The following RGS7 variants were observed in gnomAD, a reference collection of about 807,000 sequenced individuals.
RGS7 encodes the protein regulator of G protein signaling 7, also known as regulator of G-protein signaling 7.
In RGS7, 27 loss-of-function variants were observed where a neutral mutation model predicts 81.1. The observed-to-expected ratio is 0.33, with a 90% CI of 0.25 to 0.46. The LOEUF is 0.46. Ranked by LOEUF, RGS7 falls within the 20% of genes least tolerant of loss-of-function variation. The pLI is 1.00. For synonymous variants in RGS7, 208 were observed against 207.7 expected, an observed-to-expected ratio of 1.00 and a Z score of -0.01; for missense variants, 396 against 607.4, an observed-to-expected ratio of 0.65 and a Z score of 3.66.
At chr1:241,321,878 A>T (rs2081234270) in intron 2 of RGS7, among the ~76,000 whole-genome samples, 1 of 152,182 alleles carries the variant, frequency 6.6e-6, no homozygotes, top group South Asian at 2.1e-4. Flanking sequence ...CCGTTCTAGA[A>T]TTCAAGCTCC....
chr1:241,016,684 T>C (rs921716590), intron 3 of RGS7, among the ~76,000 whole-genome samples: 4 of 152,210 alleles, frequency 2.6e-5, no homozygotes, highest in African/African-American at 4.8e-5. Flanking sequence ...ATGTCTCTAC[T>C]GTAATACTTC....
chr1:241,135,126 C>T (rs1341619295), intron 2 of RGS7, among the ~76,000 whole-genome samples: 1 of 152,140 alleles, frequency 6.6e-6, no homozygotes, highest in Admixed American at 6.5e-5. Flanking sequence ...CCCAGGCGCT[C>T]ATTAAAACAG....
chr1:241,091,520 C>A (rs1192427679), intron 3 of RGS7, among the ~76,000 whole-genome samples: 2 of 150,450 alleles, frequency 1.3e-5, no homozygotes, highest in Non-Finnish European at 2.9e-5. Context: ...TGCACTCCAG[C>A]CTGGGCGACA....
chr1:241,241,885 T>C (rs2148143429), intron 2 of RGS7, among the ~76,000 whole-genome samples: 1 of 152,310 alleles, frequency 6.6e-6, no homozygotes, highest in South Asian at 2.1e-4. Flanking sequence ...TTTTTGAAAT[T>C]TCTTTTCTGA....
At chr1:240,983,503 G>A (rs990815455) in intron 3 of RGS7, among the ~76,000 whole-genome samples, 13 of 152,048 alleles carry the variant, frequency 8.5e-5, no homozygotes, top group African/African-American at 3.1e-4. Context: ...CTCATTTTTG[G>A]TTGTACCCAC....
chr1:241,291,023 C>T (rs2079061210), intron 2 of RGS7, among the ~76,000 whole-genome samples: 2 of 152,174 alleles, frequency 1.3e-5, no homozygotes, highest in Non-Finnish European at 2.9e-5. Flanking sequence ...CGTGCCCCAC[C>T]TCTTTTCTTG....
intron 18 of RGS7, 81 bp downstream of exon 18, chr1:240,800,560 C>T (rs990093512): frequency 1.3e-6 from 1 of 774,456 alleles, no homozygotes; most frequent in South Asian, 2.1e-5. Context: ...ACAACACACA[C>T]ACACACAGCA....
intron 3 of RGS7, among the ~76,000 whole-genome samples, chr1:241,090,072 T>G (rs558952286): frequency 6.6e-6 from 1 of 152,186 alleles, no homozygotes; most frequent in African/African-American, 2.4e-5. Flanking sequence ...AATTTCGGTC[T>G]TAATCCTAAA....
chr1:241,354,349 G>T (rs1202192086), intron 2 of RGS7, among the ~76,000 whole-genome samples: 4 of 152,152 alleles, frequency 2.6e-5, no homozygotes, highest in Admixed American at 2.0e-4. Context: ...TTATTTTCCT[G>T]ATTTATGCAG....
intron 6 of RGS7, among the ~76,000 whole-genome samples, chr1:240,891,202 G>T (rs1368675122): frequency 2.4e-5 from 1 of 42,048 alleles, no homozygotes; most frequent in Non-Finnish European, 6.6e-5. Flanking sequence ...CAGCATCACT[G>T]GGGGGGTGGT....
chr1:241,036,427 T>C (rs1226903304), intron 3 of RGS7, among the ~76,000 whole-genome samples: 3 of 152,228 alleles, frequency 2.0e-5, no homozygotes, highest in Admixed American at 6.5e-5. Context: ...AAATATCATG[T>C]AGGAAATATT....
chr1:240,779,318 G>A (rs1410491469), intron 18 of RGS7, among the ~76,000 whole-genome samples: 1 of 152,014 alleles, frequency 6.6e-6, no homozygotes, highest in Non-Finnish European at 1.5e-5. Context: ...CACCACGCCC[G>A]GCTAATTTTG....
chr1:241,334,531 C>G (rs12084669), intron 2 of RGS7, among the ~76,000 whole-genome samples: 6,871 of 152,184 alleles, frequency 0.045, 537 homozygotes, highest in African/African-American at 0.16. Context: ...CCCGCAGGGG[C>G]CCATTCCACA....
At chr1:240,798,292 G>A (rs965231667) in intron 18 of RGS7, among the ~76,000 whole-genome samples, 4 of 152,144 alleles carry the variant, frequency 2.6e-5, no homozygotes, top group Non-Finnish European at 5.9e-5. Flanking sequence ...ATGAATCTGG[G>A]TAACTAACAA....
At chr1:240,977,141 T>C (rs1385455772) in intron 4 of RGS7, among the ~76,000 whole-genome samples, 1 of 126,340 alleles carries the variant, frequency 7.9e-6, no homozygotes, top group African/African-American at 3.1e-5. Context: ...CACACACACA[T>C]TGCTTTGTCC....
chr1:240,775,014 T>C (rs1444811273), downstream of RGS7, among the ~76,000 whole-genome samples: 1 of 152,214 alleles, frequency 6.6e-6, no homozygotes, highest in African/African-American at 2.4e-5. Flanking sequence ...TGAGCATCTG[T>C]GGATTTTGGT....
intron 2 of RGS7, among the ~76,000 whole-genome samples, chr1:241,150,602 A>G (rs1359863690): frequency 6.6e-6 from 1 of 152,228 alleles, no homozygotes. Context: ...CCTCAATCCA[A>G]GAGAAAGGTT....
At chr1:241,059,956 T>A (rs1572493167) in intron 3 of RGS7, among the ~76,000 whole-genome samples, 1 of 152,264 alleles carries the variant, frequency 6.6e-6, no homozygotes, top group Non-Finnish European at 1.5e-5. Context: ...TCTCATCATA[T>A]CCACAGTCAG....
At chr1:241,086,609 A>G (rs1265231542) in intron 3 of RGS7, among the ~76,000 whole-genome samples, 1 of 151,088 alleles carries the variant, frequency 6.6e-6, no homozygotes, top group African/African-American at 2.4e-5. Context: ...TATTCTCTAC[A>G]TTTCCCCCCA....
Sources: allele counts gnomAD v4.1 joint callset (sites outside exome capture counted in the v4.1 genomes callset), GRCh38; gene constraint gnomAD v4.1.1; transcripts MANE v1.5; gene names NCBI Gene and HGNC (gene_info 2026-07-23, HGNC 2026-07-21).